SNRPA: variants seen among roughly 807,000 people sequenced by gnomAD.
SNRPA encodes small nuclear ribonucleoprotein polypeptide A.
In SNRPA, 10 loss-of-function variants were observed where a neutral mutation model predicts 24.5. The ratio of observed to expected loss-of-function variants is 0.41; its 90% CI spans 0.25 to 0.69. SNRPA has a LOEUF of 0.69. Among genes scored for constraint, SNRPA ranks in the 30% least tolerant of loss-of-function variants. The pLI, the probability that SNRPA is intolerant of heterozygous loss-of-function variation, is 0.33. For missense variants in SNRPA, 283 were observed against 394.7 expected (o/e 0.72, Z 2.40); for synonymous variants, 165 against 148.4 (o/e 1.11, Z -0.81).
intron 5 of SNRPA, 68 bp from the exon 6 acceptor site, chr19:40,764,940 T>C: frequency 7.0e-7 from 1 of 1,429,992 alleles, no homozygotes; most frequent in Non-Finnish European, 9.3e-7. Context: ...ATTTCTGGCC[T>C]CTGTCCACTT....
chr19:40,756,250 T>A (rs996509297), intron 1 of SNRPA, among the ~76,000 whole-genome samples: 1 of 149,462 alleles, frequency 6.7e-6, no homozygotes, highest in East Asian at 2.0e-4. Flanking sequence ...CCCTGAGCAG[T>A]AGAAGGAGAT....
intron 3 of SNRPA, among the ~76,000 whole-genome samples, chr19:40,760,157 G>A (rs769580488): frequency 1.3e-5 from 2 of 152,030 alleles, no homozygotes; most frequent in African/African-American, 2.4e-5. Flanking sequence ...CTAGCAGCTG[G>A]AACTGTCAGT....
At chr19:40,761,153 C>G (rs959999782) in intron 3 of SNRPA, among the ~76,000 whole-genome samples, 8 of 150,656 alleles carry the variant, frequency 5.3e-5, no homozygotes, top group African/African-American at 2.0e-4. Flanking sequence ...CCTGCAGCAA[C>G]CAACCAGGAT....
intron 3 of SNRPA, among the ~76,000 whole-genome samples, chr19:40,762,287 G>A (rs2082936142): frequency 6.6e-6 from 1 of 151,692 alleles, no homozygotes; most frequent in Non-Finnish European, 1.5e-5. Context: ...TGTGATCTCG[G>A]CTCACTCCAA....
rs761681579 is a variant in SNRPA, at chr19:40,763,074, TGTGA to T, written c.600+3_600+6del. On this transcript the variant is annotated splice_donor_variant and splice_donor_region_variant and intron_variant, in intron 4 of 5. Coordinates refer to ENST00000243563, the MANE Select transcript of SNRPA (RefSeq NM_004596.5). LOFTEE classifies it high-confidence loss of function. ...CAGGACAGATGCCCCCTGCCCAGCCTGTGAGTATCTAGTCCCACCCACCAGGTCT... is the reference window on the plus strand; with the variant it reads ...CAGGACAGATGCCCCCTGCCCAGCCTGTATCTAGTCCCACCCACCAGGTCT... 56 of 1,558,512 alleles carry T rather than the reference TGTGA, an allele frequency of 3.6e-5. No homozygotes were observed. Among genetic ancestry groups the T allele is most frequent in the African/African-American group, 6.8e-5 (5 of 73,004 alleles).
At chr19:40,757,208 A>T in intron 1 of SNRPA, 124 bp from the exon 2 acceptor site, 1 of 818,342 alleles carries the variant, frequency 1.2e-6, no homozygotes, top group Non-Finnish European at 1.9e-6. Flanking sequence ...TGTGATTGTT[A>T]GGTCTTGAGA....
At chr19:40,758,295 G>A (rs963313956) in intron 2 of SNRPA, among the ~76,000 whole-genome samples, 1 of 152,088 alleles carries the variant, frequency 6.6e-6, no homozygotes. Flanking sequence ...TTCCCCTACT[G>A]AATAAGCACC....
intron 2 of SNRPA, among the ~76,000 whole-genome samples, chr19:40,757,858 C>T (rs1285940455): frequency 6.6e-6 from 1 of 151,530 alleles, no homozygotes; most frequent in Non-Finnish European, 1.5e-5. Context: ...AGGAGAATTG[C>T]TTGAACCCGG....
rs148570725 is a variant in SNRPA, at chr19:40,765,056, C to T, written c.738C>T (p.Ile246=). The T allele has an allele frequency of 1.5e-4, 246 of 1,589,810 alleles. No individual in the cohort carries two copies. Among genetic ancestry groups the T allele is most frequent in the African/African-American group, 1.1e-3 (80 of 73,442 alleles). The change falls in exon 6 of 6, where the codon ATC becomes ATT. Residue 246 remains isoleucine, a synonymous_variant. Coordinates refer to ENST00000243563, the MANE Select transcript of SNRPA (RefSeq NM_004596.5). ...EVRLVPGRHD[I]AFVEFDNEVQ... is the part of the protein sequence containing the mutation. Reference sequence around the variant, plus strand: ...GTCTGGTACCCGGGCGGCATGACATCGCCTTCGTGGAGTTTGACAATGAGG... The same window carrying T: ...GTCTGGTACCCGGGCGGCATGACATTGCCTTCGTGGAGTTTGACAATGAGG...
intron 2 of SNRPA, among the ~76,000 whole-genome samples, chr19:40,759,176 G>T (rs1280513680): frequency 1.3e-5 from 2 of 148,946 alleles, no homozygotes; most frequent in Non-Finnish European, 3.0e-5. Flanking sequence ...CTGCACTCTA[G>T]CCTGGGTGAC....
At chr19:40,758,406 G>A (rs1325698897) in intron 2 of SNRPA, among the ~76,000 whole-genome samples, 1 of 152,184 alleles carries the variant, frequency 6.6e-6, no homozygotes, top group Non-Finnish European at 1.5e-5. Flanking sequence ...CTAAGTGAGT[G>A]AGATTGAACC....
chr19:40,754,008 A>G (rs1333316624), intron 1 of SNRPA, among the ~76,000 whole-genome samples: 1 of 150,740 alleles, frequency 6.6e-6, no homozygotes, highest in African/African-American at 2.4e-5. Context: ...TAACCATGTT[A>G]GCCAGGATGG....
chr19:40,759,604 TG>T lies in SNRPA; in HGVS notation c.421del (p.Val141SerfsTer7). The T allele has an allele frequency of 6.2e-7, 1 of 1,600,652 alleles. No individual in the cohort carries two copies. Among genetic ancestry groups the T allele is most frequent in the Middle Eastern group, 1.8e-4 (1 of 5,556 alleles). ...TPVVGAVQGP[V>X]PGMPPMTQAP... ...CCGTGGTGGGGGCTGTCCAGGGGCC[TG>T]TCCCGGTAAGCCAGGTCCCGGAGAC... On this transcript the variant is annotated frameshift_variant, in exon 3 of 6. Transcript: ENST00000243563. LOFTEE classifies it high-confidence loss of function.
chr19:40,760,940 T>TTTTTG (rs928645889), intron 3 of SNRPA, among the ~76,000 whole-genome samples: 2 of 152,102 alleles, frequency 1.3e-5, no homozygotes, highest in South Asian at 2.1e-4. Flanking sequence ...CCTTGTCTCT[T>TTTTTG]TTTTGTTTTG....
At chr19:40,751,523 G>C (rs746275257) in intron 1 of SNRPA, 42 bp downstream of exon 1, 1 of 1,434,904 alleles carries the variant, frequency 7.0e-7, no homozygotes, top group Admixed American at 1.7e-5. Flanking sequence ...TGTCCCGCAC[G>C]GGCTGGCCCC....
intron 5 of SNRPA, among the ~76,000 whole-genome samples, chr19:40,764,125 C>T (rs1045161574): frequency 3.9e-5 from 6 of 152,074 alleles, no homozygotes; most frequent in East Asian, 1.9e-4. Flanking sequence ...CCGGTGCAGC[C>T]GATGTGTAGA....
Position 40,759,580 on chromosome 19 carries a change from C to T in SNRPA, c.396C>T (p.Pro132=), listed in dbSNP as rs77290177. The change falls in exon 3 of 6, where the codon CCC becomes CCT. Residue 132 remains proline (P), a synonymous_variant. Coordinates refer to ENST00000243563, the MANE Select transcript of SNRPA (RefSeq NM_004596.5). ...KKAVQGGGAT[P]VVGAVQGPVP... Reference sequence around the variant, plus strand: ...CTGTGCAAGGCGGGGGAGCCACCCCCGTGGTGGGGGCTGTCCAGGGGCCTG... The same window carrying T: ...CTGTGCAAGGCGGGGGAGCCACCCCTGTGGTGGGGGCTGTCCAGGGGCCTG... The T allele has an allele frequency of 1.7e-3, 2,706 of 1,613,138 alleles. 67 individuals are homozygous for T. In the East Asian group the frequency reaches 0.053, roughly 32 times the overall value.
At chr19:40,751,565 A>G (rs1180241036) in intron 1 of SNRPA, 84 bp downstream of exon 1, 2 of 1,034,804 alleles carry the variant, frequency 1.9e-6, no homozygotes, top group Non-Finnish European at 3.1e-6. Context: ...CTCTCTTTCT[A>G]AGTGTTTGTC....
At position 40,753,211 on chromosome 19, in the gene SNRPA, T is replaced by C. The variant is rs2082891144; in HGVS notation, c.73+1730T>C. ...CTCTACTGAAAATACAAAAATCAGCTGGATGTGGCGGTGCGCACCTACAGT... is the reference window on the plus strand; with the variant it reads ...CTCTACTGAAAATACAAAAATCAGCCGGATGTGGCGGTGCGCACCTACAGT... On this transcript the variant is annotated intron_variant, in intron 1 of 5. Transcript: ENST00000243563. Among the ~76,000 whole-genome samples, 6 of 151,254 alleles carry C rather than the reference T, an allele frequency of 4.0e-5. No individual in the cohort carries two copies. In the South Asian group the frequency reaches 1.0e-3, roughly 26 times the overall value.
Sources: allele counts gnomAD v4.1 joint callset (sites outside exome capture counted in the v4.1 genomes callset), GRCh38; gene constraint gnomAD v4.1.1; transcripts MANE v1.5; gene names NCBI Gene and HGNC (gene_info 2026-07-23, HGNC 2026-07-21).